CEP192: variants seen among roughly 807,000 people sequenced by gnomAD.
CEP192 encodes centrosomal protein 192, also known as centrosomal protein of 192 kDa.
In CEP192, 151 loss-of-function variants were observed where a neutral mutation model predicts 271.8. The observed-to-expected ratio is 0.56, with a 90% CI of 0.49 to 0.64. The LOEUF (loss-of-function observed/expected upper bound fraction) is 0.64, where lower values mean the gene tolerates loss of function less well. Among genes scored for constraint, CEP192 ranks in the 30% least tolerant of loss-of-function variants. The probability of loss-of-function intolerance (pLI) is 0.00; values close to 1 mark genes in which losing one functional copy is unlikely to be tolerated. For missense variants in CEP192, 2,910 were observed against 3,020.5 expected (o/e 0.96, Z 0.86); for synonymous variants, 995 against 1,076.5 (o/e 0.92, Z 1.48).
At chr18:13,095,067 T>C (rs750172591) in intron 34 of CEP192, among the ~76,000 whole-genome samples, 10 of 152,154 alleles carry the variant, frequency 6.6e-5, no homozygotes, top group African/African-American at 9.7e-5. Flanking sequence ...CAGGGTTTCA[T>C]TGTGTAGCCC....
chr18:13,012,288 T>C (rs985878722), intron 4 of CEP192, among the ~76,000 whole-genome samples: 13 of 152,172 alleles, frequency 8.5e-5, no homozygotes, highest in Middle Eastern at 3.2e-3. Flanking sequence ...ATTAATGATA[T>C]ATTAATTGTA....
At chr18:13,040,786 C>G (rs1340230659) in intron 13 of CEP192, 44 bp from the exon 14 acceptor site, 1 of 1,476,986 alleles carries the variant, frequency 6.8e-7, no homozygotes. Context: ...TTTCTCAAAG[C>G]AGTTGAAAAT....
At chr18:13,098,213 A>AG (rs2039507090) in intron 36 of CEP192, among the ~76,000 whole-genome samples, 1 of 150,702 alleles carries the variant, frequency 6.6e-6, no homozygotes, top group Admixed American at 6.6e-5. Flanking sequence ...ACTTCCCAGT[A>AG]GGGGCGGCCG....
At chr18:13,038,046 T>G (rs1224376757) in intron 12 of CEP192, among the ~76,000 whole-genome samples, 1 of 151,922 alleles carries the variant, frequency 6.6e-6, no homozygotes, top group Non-Finnish European at 1.5e-5. Flanking sequence ...GCCATGTTGC[T>G]CAGGCTGGTC....
Position 13,092,775 on chromosome 18 carries a change from A to G in CEP192, c.6254+248A>G, listed in dbSNP as rs182265914. Among the ~76,000 whole-genome samples, 651 of 152,228 alleles carry G rather than the reference A, an allele frequency of 4.3e-3. 6 individuals carry two copies. The highest frequency in any genetic ancestry group is 0.017 in the Middle Eastern group (5 of 294). Reference sequence around the variant, plus strand: ...AACAGTTTACCACCTTTACCTTATCATCCTCTATTTGTATGGAAGGTTTTT... The same window carrying G: ...AACAGTTTACCACCTTTACCTTATCGTCCTCTATTTGTATGGAAGGTTTTT... On this transcript the variant is annotated intron_variant, in intron 34 of 44. Coordinates refer to ENST00000506447, the MANE Select transcript of CEP192 (RefSeq NM_032142.4).
chr18:13,066,604 G>A (rs1452463746), intron 21 of CEP192, among the ~76,000 whole-genome samples: 1 of 152,138 alleles, frequency 6.6e-6, no homozygotes, highest in Non-Finnish European at 1.5e-5. Context: ...GGGCTCCCAT[G>A]TCCCATGTGG....
intron 21 of CEP192, among the ~76,000 whole-genome samples, chr18:13,059,545 A>G (rs912368703): frequency 2.0e-5 from 3 of 152,210 alleles, no homozygotes; most frequent in African/African-American, 7.2e-5. Flanking sequence ...ATAAGGTTAA[A>G]CACTATTTTC....
chr18:13,069,049 T>A, intron 25 of CEP192, 40 bp from the exon 26 acceptor site: 1 of 1,614,004 alleles, frequency 6.2e-7, no homozygotes, highest in Non-Finnish European at 8.5e-7. Context: ...TTTCACTTTG[T>A]GACAGTTCGT....
Position 13,068,916 on chromosome 18 carries a change from T to TA in CEP192, c.4888dup (p.Thr1630AsnfsTer5). Reference sequence around the variant, plus strand: ...ATATCGAAGTTGACAGCCCAAACCCTACGCCCGTTCTTAGAAGTGTGAGTC... The same window carrying TA: ...ATATCGAAGTTGACAGCCCAAACCCTAACGCCCGTTCTTAGAAGTGTGAGTC... On this transcript the variant is annotated frameshift_variant, in exon 25 of 45. Coordinates refer to ENST00000506447, the MANE Select transcript of CEP192 (RefSeq NM_032142.4). LOFTEE classifies it high-confidence loss of function. 6 of 1,614,170 alleles carry TA rather than the reference T, an allele frequency of 3.7e-6. No individual in the cohort carries two copies. The highest frequency in any genetic ancestry group is 5.1e-6 in the Non-Finnish European group (6 of 1,180,008).
intron 13 of CEP192, among the ~76,000 whole-genome samples, chr18:13,040,263 ATAAAT>A (rs1487096042): frequency 2.6e-5 from 4 of 152,244 alleles, no homozygotes; most frequent in African/African-American, 7.2e-5. Flanking sequence ...ATCACAATTA[ATAAAT>A]TAATCACTTG....
chr18:13,065,596 T>C (rs2037652363), intron 21 of CEP192, among the ~76,000 whole-genome samples: 1 of 152,214 alleles, frequency 6.6e-6, no homozygotes, highest in East Asian at 1.9e-4. Flanking sequence ...TCAATACTAT[T>C]CCTATGCAGC....
chr18:13,103,967 G>A (rs994751986), intron 39 of CEP192: 4 of 424,668 alleles, frequency 9.4e-6, no homozygotes, highest in African/African-American at 6.1e-5. Flanking sequence ...TGGGATTACA[G>A]GTGTGAGCTG....
intron 35 of CEP192, 48 bp from the exon 36 acceptor site, chr18:13,096,136 T>C (rs1269699512): frequency 8.8e-6 from 14 of 1,596,996 alleles, no homozygotes; most frequent in Non-Finnish European, 1.2e-5. Context: ...ATTTGTCTTT[T>C]TCACTGTTGT....
chr18:13,005,486 G>T (rs1226171601), intron 3 of CEP192, among the ~76,000 whole-genome samples: 2 of 152,210 alleles, frequency 1.3e-5, no homozygotes, highest in East Asian at 1.9e-4. Context: ...CAAATGTCAG[G>T]GATGGGAGGG....
At chr18:13,046,829 C>CT (rs574030180) in intron 15 of CEP192, among the ~76,000 whole-genome samples, 18,024 of 122,258 alleles carry the variant, frequency 0.15, 1,617 homozygotes, top group East Asian at 0.29. Flanking sequence ...AATATCCTTA[C>CT]TTTTTTTTTT....
chr18:13,111,327 A>G (rs2040199503), intron 40 of CEP192, among the ~76,000 whole-genome samples: 1 of 152,122 alleles, frequency 6.6e-6, no homozygotes, highest in African/African-American at 2.4e-5. Context: ...GGGTTTCACC[A>G]TGTTAGCCAG....
intron 12 of CEP192, among the ~76,000 whole-genome samples, chr18:13,037,878 G>A (rs1384072106): frequency 2.0e-5 from 3 of 151,952 alleles, no homozygotes; most frequent in Admixed American, 2.0e-4. Flanking sequence ...TTTAAAATAT[G>A]TTTTAAAGTG....
chr18:13,100,250 T>A, intron 37 of CEP192, 55 bp from the exon 38 acceptor site: 2 of 1,206,130 alleles, frequency 1.7e-6, no homozygotes, highest in Non-Finnish European at 2.4e-6. Flanking sequence ...TGGAATTGTT[T>A]CGTTTAAAGT....
chr18:13,037,258 C>T lies in CEP192; in HGVS notation c.1556C>T (p.Ala519Val), dbSNP rs970128409. ...RSGSEAFDLI[A>V]QDEEEFNKEH... The stretch of plus-strand genomic sequence containing the variant: ...TAAGCTGAAGCATTTGATTTGATTG[C>T]ACAAGATGAAGAAGAATTTAATAAA... Residue 519 changes from alanine to valine, a missense_variant, in exon 12 of 45, where the codon GCA becomes GTA. By Grantham distance (64) the Ala-to-Val change is moderately conservative. Transcript: ENST00000506447. 1.3e-5 allele frequency: 17 copies of T among 1,332,840 alleles called. No individual in the cohort carries two copies. The highest frequency in any genetic ancestry group is 1.7e-5 in the Non-Finnish European group (16 of 951,040). 82.6% of individuals were successfully genotyped at this position (1,332,840 alleles called of 1,614,324 possible).
Sources: gnomAD v4.1 joint callset for allele counts (sites outside exome capture counted in the v4.1 genomes callset) on GRCh38, gnomAD v4.1.1 for gene constraint, MANE v1.5 for transcripts, NCBI Gene and HGNC (gene_info 2026-07-23, HGNC 2026-07-21) for gene names.